MTMR7: variants seen among roughly 807,000 people sequenced by gnomAD.
MTMR7 encodes myotubularin related protein 7, also known as phosphatidylinositol-3-phosphate phosphatase MTMR7.
A neutral mutation model predicts 81.2 loss-of-function variants in MTMR7; 76 were observed. The ratio of observed to expected loss-of-function variants is 0.94; its 90% CI spans 0.78 to 1.13. The LOEUF is 1.13. MTMR7 is among the 50% of genes most tolerant of loss of function. The pLI is 0.00. For synonymous variants in MTMR7, 372 were observed against 289.8 expected, an observed-to-expected ratio of 1.28 and a Z score of -2.88; for missense variants, 1,044 against 820.0, an observed-to-expected ratio of 1.27 and a Z score of -3.34.
At chr8:17,380,454 C>T (rs1020304249) in intron 1 of MTMR7, among the ~76,000 whole-genome samples, 6 of 152,028 alleles carry the variant, frequency 3.9e-5, no homozygotes, top group Admixed American at 2.6e-4. Context: ...GAACAGGTGG[C>T]GTGGCCCGGC....
intron 1 of MTMR7, among the ~76,000 whole-genome samples, chr8:17,374,513 C>T (rs1820513876): frequency 6.6e-6 from 1 of 151,982 alleles, no homozygotes; most frequent in Non-Finnish European, 1.5e-5. Context: ...CCCAGCTACT[C>T]AGGAGTATGA....
chr8:17,343,891 A>G (rs1234814796), intron 5 of MTMR7, among the ~76,000 whole-genome samples: 2 of 152,194 alleles, frequency 1.3e-5, no homozygotes, highest in African/African-American at 4.8e-5. Context: ...AGATTATCCA[A>G]AGAGTATTAC....
In MTMR7 at chr8:17,361,281, G is replaced by A; in HGVS notation, c.311-7C>T. The A allele has an allele frequency of 6.2e-7, 1 of 1,613,978 alleles. No individual in the cohort carries two copies. Among genetic ancestry groups the A allele is most frequent in the Non-Finnish European group, 8.5e-7 (1 of 1,179,876 alleles). On this transcript the variant is annotated splice_polypyrimidine_tract_variant and splice_region_variant and intron_variant, in intron 3 of 13. Transcript: ENST00000180173. ...TATAACTCCTCATATTTCACTGCAA[G>A]AAAAGGTAGGATAAAGTTAAATCAA... is the stretch of plus-strand genomic sequence containing the variant.
chr8:17,378,755 C>T (rs1046523714), intron 1 of MTMR7, among the ~76,000 whole-genome samples: 1 of 152,186 alleles, frequency 6.6e-6, no homozygotes, highest in African/African-American at 2.4e-5. Flanking sequence ...TGGGACACAT[C>T]TGATGACTGA....
intron 7 of MTMR7, among the ~76,000 whole-genome samples, chr8:17,323,830 T>G (rs772442339): frequency 6.6e-6 from 1 of 152,202 alleles, no homozygotes; most frequent in South Asian, 2.1e-4. Context: ...TTGAGTTTGA[T>G]GGGCTACACT....
chr8:17,373,250 T>C lies in MTMR7; in HGVS notation c.25-10A>G. 1 of 1,608,078 alleles carries C rather than the reference T, an allele frequency of 6.2e-7. No homozygotes were observed. Among genetic ancestry groups the C allele is most frequent in the Non-Finnish European group, 8.5e-7 (1 of 1,177,484 alleles). On this transcript the variant is annotated splice_polypyrimidine_tract_variant and intron_variant, in intron 1 of 13. Transcript: ENST00000180173. ...AGCGGACATTTTCAACCTAGAGAAA[T>C]CGGCATGATGAAAAGAGTTACCGTA...
At chr8:17,412,040 T>C (rs1445658131) in intron 1 of MTMR7, among the ~76,000 whole-genome samples, 1 of 152,260 alleles carries the variant, frequency 6.6e-6, no homozygotes, top group Non-Finnish European at 1.5e-5. Flanking sequence ...CTGTGGTTTG[T>C]AGCATTGTCT....
chr8:17,412,837 G>A (rs1458770626), intron 1 of MTMR7, among the ~76,000 whole-genome samples: 2 of 152,190 alleles, frequency 1.3e-5, no homozygotes, highest in Non-Finnish European at 2.9e-5. Context: ...AAGCTTCCAA[G>A]CGCAGGAGTC....
intron 1 of MTMR7, among the ~76,000 whole-genome samples, chr8:17,411,787 A>G (rs1821741469): frequency 6.6e-6 from 1 of 152,256 alleles, no homozygotes; most frequent in African/African-American, 2.4e-5. Context: ...CTTTGTATAT[A>G]GAACAGAAAA....
chr8:17,399,273 A>G (rs1304173058), intron 1 of MTMR7, among the ~76,000 whole-genome samples: 2 of 152,240 alleles, frequency 1.3e-5, no homozygotes, highest in South Asian at 2.1e-4. Flanking sequence ...ATGACAAAGA[A>G]TTCTGTCAAG....
intron 1 of MTMR7, among the ~76,000 whole-genome samples, chr8:17,385,062 T>C (rs1401377957): frequency 6.6e-6 from 1 of 152,224 alleles, no homozygotes; most frequent in Non-Finnish European, 1.5e-5. Flanking sequence ...AAGAATCCTA[T>C]TCTCAAGCTG....
chr8:17,310,322 T>C (rs1270650442), intron 9 of MTMR7, among the ~76,000 whole-genome samples: 1 of 152,130 alleles, frequency 6.6e-6, no homozygotes, highest in East Asian at 1.9e-4. Context: ...AAGTGTTCAG[T>C]CAAGTAATAT....
rs1354212656 is a variant in MTMR7, at chr8:17,373,244, G to C, written c.25-4C>G. ...CTACCAAGCGGACATTTTCAACCTA[G>C]AGAAATCGGCATGATGAAAAGAGTT... On this transcript the variant is annotated splice_polypyrimidine_tract_variant and splice_region_variant and intron_variant, in intron 1 of 13. Coordinates refer to ENST00000180173, the MANE Select transcript of MTMR7 (RefSeq NM_004686.5). 2.5e-6 allele frequency: 4 copies of C among 1,608,836 alleles called. No individual in the cohort carries two copies. Among genetic ancestry groups the C allele is most frequent in the Non-Finnish European group, 3.4e-6 (4 of 1,177,820 alleles).
chr8:17,396,648 C>T (rs542676293), intron 1 of MTMR7, among the ~76,000 whole-genome samples: 15 of 151,970 alleles, frequency 9.9e-5, no homozygotes, highest in Non-Finnish European at 2.1e-4. Flanking sequence ...AAAGGCAATC[C>T]GGGACACAGG....
intron 7 of MTMR7, among the ~76,000 whole-genome samples, chr8:17,314,057 C>T (rs771964878): frequency 6.6e-6 from 1 of 152,148 alleles, no homozygotes; most frequent in Non-Finnish European, 1.5e-5. Context: ...TCTATATTTA[C>T]ACAACTAAGG....
chr8:17,411,143 G>C (rs1285486591), intron 1 of MTMR7, among the ~76,000 whole-genome samples: 3 of 152,130 alleles, frequency 2.0e-5, no homozygotes, highest in South Asian at 2.1e-4. Flanking sequence ...AAAACAAAAG[G>C]AGGATGTTAT....
chr8:17,397,184 A>AG (rs1821280184), intron 1 of MTMR7, among the ~76,000 whole-genome samples: 1 of 152,058 alleles, frequency 6.6e-6, no homozygotes, highest in African/African-American at 2.4e-5. Flanking sequence ...GTGCTTGAAA[A>AG]AAACAGAGGG....
At chr8:17,317,534 G>T (rs917015314) in intron 7 of MTMR7, among the ~76,000 whole-genome samples, 3 of 152,114 alleles carry the variant, frequency 2.0e-5, no homozygotes, top group African/African-American at 4.8e-5. Context: ...CCTGATCCCA[G>T]AGTCCCTGCG....
At chr8:17,325,338 C>T (rs1259995587) in intron 7 of MTMR7, among the ~76,000 whole-genome samples, 4 of 152,122 alleles carry the variant, frequency 2.6e-5, no homozygotes, top group East Asian at 1.9e-4. Context: ...CTTTCCACAC[C>T]GAATGAAGAT....
Sources: allele counts gnomAD v4.1 joint callset (sites outside exome capture counted in the v4.1 genomes callset), GRCh38; gene constraint gnomAD v4.1.1; transcripts MANE v1.5; gene names NCBI Gene and HGNC (gene_info 2026-07-23, HGNC 2026-07-21).